The following PACC1 variants were observed in gnomAD, a reference collection of about 807,000 sequenced individuals.
PACC1 encodes proton activated chloride channel 1, also known as proton-activated chloride channel.
A neutral mutation model predicts 39.7 loss-of-function variants in PACC1; 34 were observed. That is an observed-to-expected ratio of 0.86 (90% CI 0.65 to 1.14). The LOEUF (loss-of-function observed/expected upper bound fraction) is 1.14, where lower values mean the gene tolerates loss of function less well. Ranked by LOEUF, PACC1 falls within the 50% of genes most tolerant of loss-of-function variation. The pLI is 0.00. For synonymous variants in PACC1, 127 were observed against 160.6 expected (o/e 0.79, Z 1.58); for missense variants, 379 against 436.4 (o/e 0.87, Z 1.17).
chr1:212,404,448 C>T (rs17018985), intron 2 of PACC1, among the ~76,000 whole-genome samples: 2,000 of 151,830 alleles, frequency 0.013, 40 homozygotes, highest in African/African-American at 0.045. Flanking sequence ...AGATAATGTA[C>T]AGACCCTGAC....
At position 212,365,378 on chromosome 1, in the gene PACC1, T is replaced by A; in HGVS notation, c.892-2A>T. On this transcript the variant is annotated splice_acceptor_variant, in intron 7 of 7. Transcript: ENST00000261455. LOFTEE classifies it high-confidence loss of function. ...GTTCCAAGGATTGGCAGTGACTATC[T>A]GTGAAGCAAACAGAAACAAACAGGA... 1 of 1,601,282 alleles carries A rather than the reference T, an allele frequency of 6.2e-7. No homozygotes were observed. The highest frequency in any genetic ancestry group is 8.5e-7 in the Non-Finnish European group (1 of 1,175,508).
chr1:212,399,791 G>A (rs768934327), intron 2 of PACC1, among the ~76,000 whole-genome samples: 3 of 152,014 alleles, frequency 2.0e-5, no homozygotes, highest in East Asian at 1.9e-4. Flanking sequence ...CAATCCACCC[G>A]CCTCGGCCTC....
intron 1 of PACC1, chr1:212,414,153 G>C: frequency 1.4e-6 from 2 of 1,421,012 alleles, no homozygotes; most frequent in East Asian, 2.5e-5. Flanking sequence ...AGACTGGAGG[G>C]AGAGACGAAG....
chr1:212,395,617 C>G (rs1200648764), intron 2 of PACC1, among the ~76,000 whole-genome samples: 1 of 152,024 alleles, frequency 6.6e-6, no homozygotes, highest in Non-Finnish European at 1.5e-5. Flanking sequence ...AGCTTCTGCA[C>G]AGCAAAAGAA....
intron 2 of PACC1, among the ~76,000 whole-genome samples, chr1:212,395,566 C>A (rs1019831492): frequency 1.3e-5 from 2 of 152,182 alleles, no homozygotes; most frequent in Non-Finnish European, 2.9e-5. Context: ...GCAATAGCAA[C>A]AAAAGCCAAA....
At chr1:212,379,807 C>T (rs986607649) in intron 5 of PACC1, 88 bp downstream of exon 5, 5 of 1,538,472 alleles carry the variant, frequency 3.2e-6, no homozygotes, top group Middle Eastern at 3.5e-4. Flanking sequence ...TCCCTGCCCT[C>T]ACCCCTCCGT....
intron 2 of PACC1, among the ~76,000 whole-genome samples, chr1:212,398,799 A>T (rs1386407902): frequency 6.6e-6 from 1 of 152,148 alleles, no homozygotes; most frequent in East Asian, 1.9e-4. Flanking sequence ...CACTTTACTA[A>T]GTCCTTCTCC....
intron 1 of PACC1, chr1:212,413,977 T>C (rs1273196553): frequency 6.5e-7 from 1 of 1,535,288 alleles, no homozygotes; most frequent in Admixed American, 2.0e-5. Context: ...ATGACCAAGG[T>C]TTGGGGGCCG....
intron 2 of PACC1, among the ~76,000 whole-genome samples, chr1:212,407,012 C>T (rs1022025550): frequency 3.3e-5 from 5 of 152,168 alleles, no homozygotes; most frequent in Non-Finnish European, 5.9e-5. Context: ...AATAAAGGCT[C>T]CCAAAGATGT....
Position 212,395,882 on chromosome 1 carries a change from A to G in PACC1, c.134-8782T>C, listed in dbSNP as rs562742827. On this transcript the variant is annotated intron_variant, in intron 2 of 7. Transcript: ENST00000261455. ...CAGAGAAATGCAAATCAAAACCACA[A>G]TGAGATACCATCTCACACCAGTTAG... Among the ~76,000 whole-genome samples the G allele has an allele frequency of 5.1e-3, 770 of 152,338 alleles. 31 individuals are homozygous for G. Among genetic ancestry groups the G allele is most frequent in the Admixed American group, 0.046 (704 of 15,304 alleles).
At chr1:212,395,073 T>G (rs931127896) in intron 2 of PACC1, among the ~76,000 whole-genome samples, 2 of 152,068 alleles carry the variant, frequency 1.3e-5, no homozygotes, top group African/African-American at 4.8e-5. Context: ...CTTCACAGAA[T>G]TGGAAAAAAC....
At chr1:212,372,412 CAA>C (rs1308946064) in intron 7 of PACC1, among the ~76,000 whole-genome samples, 1 of 151,872 alleles carries the variant, frequency 6.6e-6, no homozygotes, top group Non-Finnish European at 1.5e-5. Context: ...GGGAAAAATT[CAA>C]AGTCTTTCTT....
At chr1:212,402,990 TTTTC>T (rs1345145633) in intron 2 of PACC1, among the ~76,000 whole-genome samples, 2 of 152,180 alleles carry the variant, frequency 1.3e-5, no homozygotes, top group African/African-American at 2.4e-5. Flanking sequence ...TCTATGAATT[TTTTC>T]TTTGTCTATC....
At chr1:212,380,886 A>C (rs1232679557) in intron 4 of PACC1, among the ~76,000 whole-genome samples, 1 of 152,244 alleles carries the variant, frequency 6.6e-6, no homozygotes, top group Non-Finnish European at 1.5e-5. Flanking sequence ...TTAGTTCCAC[A>C]AAAAAATTCA....
rs1370335284 is a variant in PACC1 at position 212,393,856 on chromosome 1, C to T, written c.134-6756G>A. 6.9e-4 allele frequency among the ~76,000 whole-genome samples: 104 copies of T among 151,804 alleles called. 1 individual carries two copies. Among genetic ancestry groups the T allele is most frequent in the African/African-American group, 1.2e-4 (5 of 41,302 alleles). ...ATCTAGAAGAAATGGATAAATTCCT[C>T]GACACATACACCCTCCCAAGACTAA... On this transcript the variant is annotated intron_variant, in intron 2 of 7. Transcript: ENST00000261455.
chr1:212,379,903 G>T lies in PACC1; in HGVS notation c.630C>A (p.Phe210Leu), dbSNP rs764629572. 1 of 1,613,456 alleles carries T rather than the reference G, an allele frequency of 6.2e-7. No individual in the cohort carries two copies. Among genetic ancestry groups the T allele is most frequent in the Admixed American group, 1.7e-5 (1 of 59,830 alleles). The change falls in exon 5 of 8, where the codon TTC becomes TTA. Residue 210 changes from phenylalanine (F) to leucine (L), a missense_variant. Phe to Leu is a conservative substitution (Grantham distance 22). Transcript: ENST00000261455. ...DYLLFSSFQE[F>L]LQSPNRVGFM... Reference sequence around the variant, plus strand: ...GAACTCTAAAAGCCCACCTTTGCAGGAACTCCTGGAAAGAAGAGAAGAGGA... The same window carrying T: ...GAACTCTAAAAGCCCACCTTTGCAGTAACTCCTGGAAAGAAGAGAAGAGGA...
chr1:212,412,981 A>C (rs1662191642), intron 1 of PACC1, among the ~76,000 whole-genome samples: 1 of 152,186 alleles, frequency 6.6e-6, no homozygotes, highest in South Asian at 2.1e-4. Flanking sequence ...GACTCAATAA[A>C]AGTCACACAA....
intron 6 of PACC1, among the ~76,000 whole-genome samples, chr1:212,376,453 G>A (rs1408528685): frequency 1.3e-5 from 2 of 152,188 alleles, no homozygotes; most frequent in South Asian, 2.1e-4. Flanking sequence ...CTTTGGTTTC[G>A]GATCACAGTG....
chr1:212,398,231 C>T (rs1057170893), intron 2 of PACC1, among the ~76,000 whole-genome samples: 2 of 152,150 alleles, frequency 1.3e-5, no homozygotes, highest in Admixed American at 6.5e-5. Flanking sequence ...AAAAGATATA[C>T]ATTGAAAATA....
Sources: gnomAD v4.1 joint callset for allele counts (sites outside exome capture counted in the v4.1 genomes callset) on GRCh38, gnomAD v4.1.1 for gene constraint, MANE v1.5 for transcripts, NCBI Gene and HGNC (gene_info 2026-07-23, HGNC 2026-07-21) for gene names.